UCHL1: variants seen among roughly 807,000 people sequenced by gnomAD.
UCHL1 encodes ubiquitin carboxyl-terminal hydrolase isozyme L1.
A neutral mutation model predicts 33.3 loss-of-function variants in UCHL1; 5 were observed. The observed-to-expected ratio is 0.15, with a 90% CI of 0.08 to 0.32. The LOEUF (loss-of-function observed/expected upper bound fraction) is 0.32. Ranked by LOEUF, UCHL1 falls within the 10% of genes least tolerant of loss-of-function variation. The pLI, the probability that UCHL1 is intolerant of heterozygous loss-of-function variation, is 1.00. For missense variants in UCHL1, 236 were observed against 280.0 expected (o/e 0.84, Z 1.12); for synonymous variants, 132 against 108.8 (o/e 1.21, Z -1.33).
chr4:41,257,830 C>G lies in UCHL1; in HGVS notation c.174+93C>G, dbSNP rs1781007024. On this transcript the variant is annotated intron_variant, in intron 3 of 8. Coordinates refer to ENST00000284440, the MANE Select transcript of UCHL1 (RefSeq NM_004181.5). ...GGGGCTCCCCGCCCCGCCCCCTCCC[C>G]TGTAGGTGATGCGGGGCGCGCCTAC... The G allele has an allele frequency of 4.1e-6, 6 of 1,472,044 alleles. No homozygotes were observed. In the African/African-American group the frequency reaches 4.3e-5, roughly 11 times the overall value. 91.2% of individuals were successfully genotyped at this position (1,472,044 alleles called of 1,614,324 possible).
In UCHL1 at chr4:41,257,056, G is replaced by C. The variant is rs372590899; in HGVS notation, c.33+47G>C. On this transcript the variant is annotated intron_variant, in intron 1 of 8. Transcript: ENST00000284440. ...ACCCGGAGAGCGCGAGGCCGAGGGA[G>C]GGGGAGCCGAGTCGCTGATCGGTTC... 6.4e-4 allele frequency: 1,036 copies of C among 1,614,092 alleles called. 3 individuals are homozygous for C. The highest frequency in any genetic ancestry group is 2.3e-3 in the Middle Eastern group (14 of 6,046).
At chr4:41,267,638 A>G (rs1781175568) in intron 8 of UCHL1, among the ~76,000 whole-genome samples, 1 of 152,224 alleles carries the variant, frequency 6.6e-6, no homozygotes, top group Non-Finnish European at 1.5e-5. Context: ...ATGCCACCTT[A>G]TGGAAGAAAG....
In UCHL1 at chr4:41,261,937, C is replaced by A. The variant is rs181585116; in HGVS notation, c.459+14C>A. On this transcript the variant is annotated intron_variant, in intron 6 of 8. Coordinates refer to ENST00000284440, the MANE Select transcript of UCHL1 (RefSeq NM_004181.5). ...GGCCAATGTCGGGTAAATGCAAATA[C>A]AAATCGGAGCCAGGCTGCCTGGGTG... 3 of 1,613,820 alleles carry A rather than the reference C, an allele frequency of 1.9e-6. No individual in the cohort carries two copies. The highest frequency in any genetic ancestry group is 2.7e-5 in the African/African-American group (2 of 75,014).
chr4:41,261,182 T>C (rs1781063067), intron 4 of UCHL1, among the ~76,000 whole-genome samples: 1 of 152,182 alleles, frequency 6.6e-6, no homozygotes, highest in African/African-American at 2.4e-5. Flanking sequence ...CTATTCAAGA[T>C]CTTTATTTTT....
chr4:41,260,763 C>T lies in UCHL1; in HGVS notation c.291C>T (p.His97=), dbSNP rs192697162. 6.2e-6 allele frequency: 10 copies of T among 1,614,188 alleles called. No homozygotes were observed. In the East Asian group the frequency reaches 8.9e-5, roughly 14 times the overall value. ...CCTGTGGCACAATCGGACTTATTCA[C>T]GCAGTGGCCAATAATCAAGACAAAC... ...GNSCGTIGLI[H]AVANNQDKLG... is the part of the protein sequence containing the mutation. The change falls in exon 4 of 9, where the codon CAC becomes CAT. Residue 97 remains histidine (H), a synonymous_variant. Coordinates refer to ENST00000284440, the MANE Select transcript of UCHL1 (RefSeq NM_004181.5).
At chr4:41,257,313 T>C in intron 2 of UCHL1, 187 bp downstream of exon 2, 1 of 1,074,066 alleles carries the variant, frequency 9.3e-7, no homozygotes, top group Non-Finnish European at 1.3e-6. Context: ...ACGAAACCGG[T>C]CACGGGGAGA....
intron 1 of UCHL1, 51 bp from the exon 2 acceptor site, chr4:41,257,064 C>A: frequency 6.2e-7 from 1 of 1,614,118 alleles, no homozygotes; most frequent in South Asian, 1.1e-5. Flanking sequence ...GAGGGGGAGC[C>A]GAGTCGCTGA....
intron 6 of UCHL1, 142 bp downstream of exon 6, chr4:41,262,065 T>G (rs1781078700): frequency 1.7e-6 from 2 of 1,202,074 alleles, no homozygotes; most frequent in Non-Finnish European, 2.4e-6. Flanking sequence ...ACCCAAATAA[T>G]GCTTTGACTA....
chr4:41,257,145 C>A lies in UCHL1; in HGVS notation c.45+19C>A, dbSNP rs11556272. 0.066 allele frequency: 106,042 copies of A among 1,612,216 alleles called. 3,984 individuals carry two copies. Among genetic ancestry groups the A allele is most frequent in the Middle Eastern group, 0.098 (473 of 4,804 alleles). ...GAACAAAGTGAGTGGCGTCTCGCGC[C>A]GTCTCTGGCCCCCTCCCCCGCGAGC... On this transcript the variant is annotated intron_variant, in intron 2 of 8. Coordinates refer to ENST00000284440, the MANE Select transcript of UCHL1 (RefSeq NM_004181.5).
At chr4:41,259,021 T>G (rs1309933067) in intron 3 of UCHL1, among the ~76,000 whole-genome samples, 2 of 152,224 alleles carry the variant, frequency 1.3e-5, no homozygotes, top group Non-Finnish European at 2.9e-5. Context: ...GAGGCAGTGG[T>G]GCAGCATGTT....
At chr4:41,260,570 G>T (rs1305902859) in intron 3 of UCHL1, 77 bp from the exon 4 acceptor site, 3 of 1,550,712 alleles carry the variant, frequency 1.9e-6, no homozygotes, top group Non-Finnish European at 2.6e-6. Flanking sequence ...TTTCCATTTA[G>T]TTGGTAGAAC....
In UCHL1 at chr4:41,267,481, C is replaced by T. The variant is rs533204417; in HGVS notation, c.586-506C>T. Among the ~76,000 whole-genome samples, 10 of 152,188 alleles carry T rather than the reference C, an allele frequency of 6.6e-5. No individual in the cohort carries two copies. In the East Asian group the frequency reaches 1.4e-3, roughly 21 times the overall value. Reference sequence around the variant, plus strand: ...CAGGATGGTCTCTATCTCCCAGCCTCGTGATCCGCCTGCCTCAGCCTCCCA... The same window carrying T: ...CAGGATGGTCTCTATCTCCCAGCCTTGTGATCCGCCTGCCTCAGCCTCCCA... On this transcript the variant is annotated intron_variant, in intron 8 of 8. Transcript: ENST00000284440.
intron 8 of UCHL1, among the ~76,000 whole-genome samples, chr4:41,266,098 A>G (rs1367838358): frequency 1.3e-5 from 2 of 152,030 alleles, no homozygotes; most frequent in African/African-American, 4.8e-5. Flanking sequence ...TTTTGTATAG[A>G]GATGGGGCGG....
intron 3 of UCHL1, among the ~76,000 whole-genome samples, chr4:41,258,059 G>T (rs1781012186): frequency 6.6e-6 from 1 of 152,200 alleles, no homozygotes; most frequent in Admixed American, 6.5e-5. Context: ...TCGAGCCTCC[G>T]GTTCCGGGGA....
Position 41,257,407 on chromosome 4 carries a change from G to C in UCHL1, c.46-202G>C, listed in dbSNP as rs989941824. On this transcript the variant is annotated intron_variant, in intron 2 of 8. Transcript: ENST00000284440. ...GCGGGCAGCACAGACTCGGCTGCACGGGCTTCGCGGGCGCCACGTGTGGGC... is the reference window on the plus strand; with the variant it reads ...GCGGGCAGCACAGACTCGGCTGCACCGGCTTCGCGGGCGCCACGTGTGGGC... The C allele has an allele frequency of 9.0e-6, 8 of 891,658 alleles. No homozygotes were observed. The South Asian group carries it at 1.0e-4, about 11-fold the overall frequency. The allele number at this position is 891,658 out of a possible 1,614,324, so 55.2% of individuals were successfully genotyped here. A position where few individuals can be genotyped will look rare whatever the true frequency, so the allele number is the denominator to read the frequency against.
In UCHL1 at chr4:41,268,140, T is replaced by C. The variant is rs758867690; in HGVS notation, c.*67T>C. 1 of 1,443,750 alleles carries C rather than the reference T, an allele frequency of 6.9e-7. No homozygotes were observed. The highest frequency in any genetic ancestry group is 9.6e-7 in the Non-Finnish European group (1 of 1,039,732). The allele number at this position is 1,443,750 out of a possible 1,614,324, so 89.4% of individuals were successfully genotyped here. A position where few individuals can be genotyped will look rare whatever the true frequency, so the allele number is the denominator to read the frequency against. On this transcript the variant is annotated 3_prime_UTR_variant, in exon 9 of 9. Coordinates refer to ENST00000284440, the MANE Select transcript of UCHL1 (RefSeq NM_004181.5). ...CAACATGAAAATATATACCCCCCCA[T>C]GCAGTCTAAAATGCTTCAGTACTTG...
chr4:41,257,392 C>A, intron 2 of UCHL1: 1 of 881,458 alleles, frequency 1.1e-6, no homozygotes, highest in Non-Finnish European at 1.6e-6. Context: ...GCGGGCAGCA[C>A]AGACTCGGCT....
chr4:41,260,924 C>T, intron 4 of UCHL1, 127 bp downstream of exon 4: 3 of 1,345,342 alleles, frequency 2.2e-6, no homozygotes, highest in Admixed American at 1.7e-5. Context: ...TGGTGTCAGA[C>T]ACTTAATCTG....
intron 7 of UCHL1, 130 bp from the exon 8 acceptor site, chr4:41,263,973 A>G: frequency 2.5e-6 from 3 of 1,191,012 alleles, no homozygotes; most frequent in East Asian, 2.4e-5. Flanking sequence ...CTCTTGCTTC[A>G]TAACCAGGCT....
Sources: allele counts gnomAD v4.1 joint callset (sites outside exome capture counted in the v4.1 genomes callset), GRCh38; gene constraint gnomAD v4.1.1; transcripts MANE v1.5; gene names NCBI Gene and HGNC (gene_info 2026-07-23, HGNC 2026-07-21).